The following NIPAL2 variants were observed in gnomAD, a reference collection of about 807,000 sequenced individuals.
NIPAL2 encodes NIPA-like protein 2.
NIPAL2 carries 43 observed loss-of-function variants against 48.9 expected under a neutral mutation model. The observed-to-expected ratio is 0.88, with a 90% confidence interval of 0.69 to 1.13. NIPAL2 has a LOEUF of 1.13. Among genes scored for constraint, NIPAL2 ranks in the 50% most tolerant of loss-of-function variants. NIPAL2 has a pLI of 0.00. For synonymous variants in NIPAL2, 167 were observed against 174.6 expected (o/e 0.96, Z 0.34); for missense variants, 446 against 461.4 (o/e 0.97, Z 0.31).
intron 1 of NIPAL2, among the ~76,000 whole-genome samples, chr8:98,271,996 T>C (rs1224035565): frequency 6.6e-6 from 1 of 152,112 alleles, no homozygotes; most frequent in African/African-American, 2.4e-5. Flanking sequence ...GTGAATCACA[T>C]TTACTGATTT....
chr8:98,247,138 A>C (rs989418702), intron 3 of NIPAL2, among the ~76,000 whole-genome samples: 1 of 152,192 alleles, frequency 6.6e-6, no homozygotes, highest in Non-Finnish European at 1.5e-5. Flanking sequence ...AATATTCATG[A>C]GTCTCTTGCA....
intron 4 of NIPAL2, among the ~76,000 whole-genome samples, chr8:98,227,751 G>T (rs1812246486): frequency 6.6e-6 from 1 of 152,226 alleles, no homozygotes; most frequent in Admixed American, 6.5e-5. Context: ...TCCCTTGGCT[G>T]CCCAGCTGGT....
At position 98,207,809 on chromosome 8, in the gene NIPAL2, A is replaced by T. The variant is rs371157879; in HGVS notation, c.656-2563T>A. On this transcript the variant is annotated intron_variant, in intron 6 of 10. Transcript: ENST00000430223. Reference sequence around the variant, plus strand: ...CTACTTAGGAGCTCATTTTCCAAGTATATACCACTTAGGAACCTATTTACC... The same window carrying T: ...CTACTTAGGAGCTCATTTTCCAAGTTTATACCACTTAGGAACCTATTTACC... 5.1e-4 allele frequency among the ~76,000 whole-genome samples: 78 copies of T among 152,324 alleles called. 1 individual carries two copies. The South Asian group carries it at 0.015, about 29-fold the overall frequency.
chr8:98,222,133 C>A (rs1031223685), intron 5 of NIPAL2, among the ~76,000 whole-genome samples: 1 of 152,062 alleles, frequency 6.6e-6, no homozygotes, highest in Non-Finnish European at 1.5e-5. Context: ...TTGAAGAGAA[C>A]CCCTATTTTG....
At position 98,194,806 on chromosome 8, in the gene NIPAL2, G is replaced by A. The variant is rs139183143; in HGVS notation, c.961C>T (p.Leu321Phe). The A allele has an allele frequency of 1.0e-5, 16 of 1,557,842 alleles. No individual in the cohort carries two copies. The highest frequency in any genetic ancestry group is 4.6e-5 in the East Asian group (2 of 43,366). Residue 321 changes from leucine (L) to phenylalanine (F), a missense_variant, in exon 10 of 11, where the codon CTT becomes TTT. Leu to Phe is a conservative substitution (Grantham distance 22, BLOSUM62 0). Transcript: ENST00000430223. ...IYLFGCFLSF[L>F]GVFLVTRNRE... ...TTTCTTGTGACCAAAAATACACCAAGGAATGACAGAAAACACCTGTAAGGA... is the reference window on the plus strand; with the variant it reads ...TTTCTTGTGACCAAAAATACACCAAAGAATGACAGAAAACACCTGTAAGGA...
intron 1 of NIPAL2, among the ~76,000 whole-genome samples, chr8:98,257,117 G>T (rs1424042587): frequency 6.6e-6 from 1 of 152,158 alleles, no homozygotes; most frequent in Admixed American, 6.5e-5. Flanking sequence ...TTTAGGCCAT[G>T]ATGGGAAGTG....
At chr8:98,242,522 C>T (rs1022360453) in intron 3 of NIPAL2, among the ~76,000 whole-genome samples, 1 of 123,962 alleles carries the variant, frequency 8.1e-6, no homozygotes, top group Non-Finnish European at 1.6e-5. Context: ...GAGCCTGGCT[C>T]TGTCACCCAG....
At chr8:98,276,033 C>T (rs2130888584) in intron 1 of NIPAL2, among the ~76,000 whole-genome samples, 1 of 152,270 alleles carries the variant, frequency 6.6e-6, no homozygotes, top group Admixed American at 6.5e-5. Context: ...CACAGCCTTT[C>T]CCATTCTCAT....
intron 4 of NIPAL2, among the ~76,000 whole-genome samples, 179 bp from the exon 5 acceptor site, chr8:98,222,779 T>C (rs1191857049): frequency 2.0e-5 from 3 of 152,222 alleles, no homozygotes; most frequent in African/African-American, 7.2e-5. Flanking sequence ...GCATTCCCTT[T>C]ACAGGGGAAT....
intron 1 of NIPAL2, among the ~76,000 whole-genome samples, chr8:98,280,751 T>TAGAGAG (rs1324978171): frequency 4.7e-5 from 2 of 42,342 alleles, no homozygotes; most frequent in African/African-American, 7.4e-5. Context: ...TATATATATA[T>TAGAGAG]ATATATATAT....
intron 5 of NIPAL2, among the ~76,000 whole-genome samples, chr8:98,214,206 C>T (rs1811460246): frequency 6.6e-6 from 1 of 151,336 alleles, no homozygotes; most frequent in East Asian, 1.9e-4. Flanking sequence ...CTCTGTTGCC[C>T]AGGCTGGAGT....
intron 1 of NIPAL2, among the ~76,000 whole-genome samples, chr8:98,275,927 T>C (rs993380833): frequency 5.9e-5 from 9 of 152,186 alleles, no homozygotes; most frequent in Admixed American, 2.6e-4. Context: ...TTATCATTAT[T>C]TTTTAACCAG....
At chr8:98,203,234 G>C in intron 7 of NIPAL2, 38 bp from the exon 8 acceptor site, 2 of 1,277,864 alleles carry the variant, frequency 1.6e-6, no homozygotes, top group Non-Finnish European at 2.2e-6. Flanking sequence ...TTGGCTTTAG[G>C]AGACATTCAG....
intron 3 of NIPAL2, among the ~76,000 whole-genome samples, chr8:98,236,424 GA>G (rs1812717914): frequency 1.3e-5 from 2 of 152,170 alleles, no homozygotes; most frequent in South Asian, 4.1e-4. Context: ...GGATGTGGCT[GA>G]GACAGTGTCT....
At chr8:98,271,615 A>G (rs913605115) in intron 1 of NIPAL2, among the ~76,000 whole-genome samples, 5 of 152,084 alleles carry the variant, frequency 3.3e-5, no homozygotes, top group Admixed American at 2.0e-4. Flanking sequence ...GGGTTTTCTA[A>G]GTATAGAGTC....
chr8:98,246,414 T>C (rs924579372), intron 3 of NIPAL2, among the ~76,000 whole-genome samples: 2 of 152,222 alleles, frequency 1.3e-5, no homozygotes, highest in Admixed American at 6.5e-5. Flanking sequence ...TGCAGTTAGC[T>C]CTCCAACCTT....
intron 4 of NIPAL2, among the ~76,000 whole-genome samples, chr8:98,227,633 A>G (rs1432989125): frequency 2.0e-5 from 3 of 152,192 alleles, no homozygotes; most frequent in African/African-American, 4.8e-5. Context: ...CCAAGTTGCA[A>G]GACAAAGTCC....
At chr8:98,203,344 G>T in intron 7 of NIPAL2, 148 bp from the exon 8 acceptor site, 1 of 649,496 alleles carries the variant, frequency 1.5e-6, no homozygotes. Context: ...AGCAGTCATA[G>T]CTTATATGCA....
intron 2 of NIPAL2, 39 bp downstream of exon 2, chr8:98,253,980 A>T: frequency 7.0e-7 from 1 of 1,424,388 alleles, no homozygotes; most frequent in Non-Finnish European, 9.9e-7. Flanking sequence ...GTGTCCCTGG[A>T]TCAATCTATA....
Sources: allele counts gnomAD v4.1 joint callset (sites outside exome capture counted in the v4.1 genomes callset), GRCh38; gene constraint gnomAD v4.1.1; transcripts MANE v1.5; gene names NCBI Gene and HGNC (gene_info 2026-07-23, HGNC 2026-07-21).